The following EBF1 variants were observed in gnomAD, a reference collection of about 807,000 sequenced individuals.
EBF1 encodes EBF transcription factor 1, also known as transcription factor COE1.
Under a neutral mutation model 68.4 loss-of-function variants are expected in EBF1, and 10 were observed. The ratio of observed to expected loss-of-function variants is 0.15; its 90% CI spans 0.09 to 0.25. The LOEUF is 0.25. EBF1 is among the 10% of genes least tolerant of loss of function. The probability of loss-of-function intolerance (pLI) is 1.00; values close to 1 mark genes in which losing one functional copy is unlikely to be tolerated. For missense variants in EBF1, 509 were observed against 794.4 expected (o/e 0.64, Z 4.32); for synonymous variants, 298 against 299.8 (o/e 0.99, Z 0.06).
chr5:158,702,037 A>T (rs1375698013), intron 15 of EBF1, among the ~76,000 whole-genome samples: 1 of 152,214 alleles, frequency 6.6e-6, no homozygotes, highest in Non-Finnish European at 1.5e-5. Context: ...AGAATTTTGC[A>T]TGTAATATCA....
intron 6 of EBF1, among the ~76,000 whole-genome samples, chr5:159,028,100 G>A (rs192696913): frequency 4.7e-4 from 71 of 152,226 alleles, no homozygotes; most frequent in African/African-American, 1.7e-3. Context: ...GTATGTAGAC[G>A]GTGCTTGAAC....
At chr5:159,069,810 A>G (rs1777499368) in intron 6 of EBF1, among the ~76,000 whole-genome samples, 1 of 152,110 alleles carries the variant, frequency 6.6e-6, no homozygotes, top group Non-Finnish European at 1.5e-5. Flanking sequence ...AATTTAATAA[A>G]CTCGTTGAAA....
At chr5:158,908,187 C>T (rs970004290) in intron 6 of EBF1, among the ~76,000 whole-genome samples, 2 of 152,176 alleles carry the variant, frequency 1.3e-5, no homozygotes, top group Non-Finnish European at 2.9e-5. Flanking sequence ...ACAGTACCTG[C>T]TGTGCTTGAC....
At chr5:158,812,330 C>T (rs1417783182) in intron 8 of EBF1, among the ~76,000 whole-genome samples, 1 of 152,182 alleles carries the variant, frequency 6.6e-6, no homozygotes, top group African/African-American at 2.4e-5. Context: ...CCACTACACC[C>T]ACAATGGGCT....
chr5:159,055,662 T>C (rs1351250571), intron 6 of EBF1, among the ~76,000 whole-genome samples: 1 of 152,210 alleles, frequency 6.6e-6, no homozygotes, highest in Non-Finnish European at 1.5e-5. Context: ...CTAAATCTGA[T>C]GAGTAGTGAA....
At chr5:158,888,352 CTA>C (rs1424037084) in intron 6 of EBF1, among the ~76,000 whole-genome samples, 2 of 152,074 alleles carry the variant, frequency 1.3e-5, no homozygotes. Context: ...AGAATACTGA[CTA>C]TGGCTAGCAT....
At chr5:159,083,828 G>T (rs1780140860) in intron 5 of EBF1, among the ~76,000 whole-genome samples, 1 of 152,222 alleles carries the variant, frequency 6.6e-6, no homozygotes, top group Non-Finnish European at 1.5e-5. Context: ...GCATCTTCAT[G>T]CTTTATCCAA....
chr5:158,876,240 G>A lies in EBF1; in HGVS notation c.555-36130C>T, dbSNP rs139612442. ...TGCAATAAAGCAGGCACTGTACTTT[G>A]CAGGCACTGTCTCCTTTAGCCTCCC... On this transcript the variant is annotated intron_variant, in intron 6 of 15. Transcript: ENST00000313708. 1.1e-4 allele frequency among the ~76,000 whole-genome samples: 16 copies of A among 152,250 alleles called. 1 individual carries two copies. In the East Asian group the frequency reaches 3.1e-3, roughly 29 times the overall value.
chr5:158,699,214 TA>T (rs377502370), intron 15 of EBF1, 72 bp from the exon 16 acceptor site: 173,955 of 1,031,036 alleles, frequency 0.17, 6 homozygotes, highest in East Asian at 0.2. Flanking sequence ...TAATGAAGAC[TA>T]AAAAAAAAAA....
At chr5:158,826,266 T>C (rs1786085535) in intron 7 of EBF1, among the ~76,000 whole-genome samples, 1 of 95,134 alleles carries the variant, frequency 1.1e-5, no homozygotes, top group Non-Finnish European at 2.8e-5. Context: ...TCACGATATC[T>C]GTTATAATTA....
intron 6 of EBF1, among the ~76,000 whole-genome samples, chr5:158,893,099 A>C (rs1801502223): frequency 6.6e-6 from 1 of 152,236 alleles, no homozygotes; most frequent in Non-Finnish European, 1.5e-5. Context: ...TCTGAAATAG[A>C]GAATGCCTGA....
intron 10 of EBF1, among the ~76,000 whole-genome samples, chr5:158,773,439 G>GA (rs1356128423): frequency 1.3e-5 from 2 of 152,084 alleles, no homozygotes; most frequent in Non-Finnish European, 2.9e-5. Context: ...TTTGGAATTG[G>GA]AAAAGTTAGT....
chr5:158,969,189 C>G (rs913739671), intron 6 of EBF1, among the ~76,000 whole-genome samples: 11 of 152,038 alleles, frequency 7.2e-5, no homozygotes, highest in Non-Finnish European at 1.5e-5. Flanking sequence ...GTAATCTCAG[C>G]TACACAGGAG....
At chr5:158,709,917 T>C (rs1348647241) in intron 14 of EBF1, among the ~76,000 whole-genome samples, 1 of 152,114 alleles carries the variant, frequency 6.6e-6, no homozygotes, top group East Asian at 1.9e-4. Flanking sequence ...GATCATTATG[T>C]GTATTTAGAG....
At chr5:159,095,970 A>G (rs916086202) in intron 3 of EBF1, among the ~76,000 whole-genome samples, 2 of 152,226 alleles carry the variant, frequency 1.3e-5, no homozygotes, top group Admixed American at 6.5e-5. Flanking sequence ...TCACGGCAAG[A>G]GTCCCTCTGC....
intron 6 of EBF1, among the ~76,000 whole-genome samples, chr5:158,930,124 T>A (rs1357394822): frequency 4.6e-5 from 7 of 152,222 alleles, no homozygotes; most frequent in African/African-American, 1.7e-4. Flanking sequence ...ATTGTACTTT[T>A]GAGTGTTAGA....
chr5:158,739,928 A>G (rs1184650322), intron 10 of EBF1, among the ~76,000 whole-genome samples: 1 of 152,190 alleles, frequency 6.6e-6, no homozygotes. Context: ...TGCCGGGAAT[A>G]GGCAGGCGAT....
chr5:158,739,708 C>T (rs1003318297), intron 10 of EBF1, among the ~76,000 whole-genome samples: 1 of 152,180 alleles, frequency 6.6e-6, no homozygotes, highest in Non-Finnish European at 1.5e-5. Flanking sequence ...TCCCTACTGG[C>T]ATAGTTTCTG....
intron 8 of EBF1, among the ~76,000 whole-genome samples, chr5:158,816,613 T>C (rs1783790946): frequency 6.6e-6 from 1 of 152,194 alleles, no homozygotes; most frequent in African/African-American, 2.4e-5. Context: ...TGTTTTAGTT[T>C]ATTTTCACTC....
Sources: gnomAD v4.1 joint callset for allele counts (sites outside exome capture counted in the v4.1 genomes callset) on GRCh38, gnomAD v4.1.1 for gene constraint, MANE v1.5 for transcripts, NCBI Gene and HGNC (gene_info 2026-07-23, HGNC 2026-07-21) for gene names.